Variants in SLC7A9 observed in about 807,000 individuals in gnomAD.
SLC7A9 encodes the protein B(0,+)-type amino acid transporter 1.
SLC7A9 carries 38 observed loss-of-function variants against 54.1 expected under a neutral mutation model. That is an observed-to-expected ratio of 0.70 (90% CI 0.54 to 0.92). SLC7A9 has a LOEUF of 0.92. Ranked by LOEUF, SLC7A9 falls within the 40% of genes least tolerant of loss-of-function variation. SLC7A9 has a pLI of 0.00. For missense variants in SLC7A9, 537 were observed against 636.1 expected, an observed-to-expected ratio of 0.84 and a Z score of 1.68; for synonymous variants, 264 against 258.9, an observed-to-expected ratio of 1.02 and a Z score of -0.19.
intron 9 of SLC7A9, among the ~76,000 whole-genome samples, chr19:32,854,652 G>A (rs186853166): frequency 5.3e-5 from 8 of 152,184 alleles, no homozygotes; most frequent in African/African-American, 1.9e-4. Context: ...GCACTGGTGC[G>A]ATCTCGGCTC....
Position 32,864,857 on chromosome 19 carries a change from C to T in SLC7A9, c.88-81G>A, listed in dbSNP as rs979093819. Reference sequence around the variant, plus strand: ...GGCCAGGTGCCACCCTCCCTCGGTACGGCCAGGGCGGCCCCAGCCAAAGCC... The same window carrying T: ...GGCCAGGTGCCACCCTCCCTCGGTATGGCCAGGGCGGCCCCAGCCAAAGCC... On this transcript the variant is annotated intron_variant, in intron 2 of 12. Coordinates refer to ENST00000023064, the MANE Select transcript of SLC7A9 (RefSeq NM_014270.5). 2.2e-5 allele frequency: 35 copies of T among 1,577,522 alleles called. No individual in the cohort carries two copies. The African/African-American group carries it at 2.4e-4, about 11-fold the overall frequency.
chr19:32,865,375 C>T (rs923356380), intron 2 of SLC7A9, among the ~76,000 whole-genome samples: 1 of 152,232 alleles, frequency 6.6e-6, no homozygotes, highest in East Asian at 1.9e-4. Flanking sequence ...GAGATCATGG[C>T]TCACTGCAGC....
intron 2 of SLC7A9, among the ~76,000 whole-genome samples, chr19:32,864,987 C>T (rs578203421): frequency 4.6e-4 from 70 of 152,330 alleles, no homozygotes; most frequent in African/African-American, 1.5e-3. Context: ...GACAGCCCCG[C>T]GAGCTGGCCA....
At chr19:32,851,634 C>G (rs1968469249) in intron 9 of SLC7A9, among the ~76,000 whole-genome samples, 1 of 151,998 alleles carries the variant, frequency 6.6e-6, no homozygotes, top group Non-Finnish European at 1.5e-5. Context: ...GAATCTAGAA[C>G]TAGAAATACC....
At chr19:32,854,951 G>C (rs1968575144) in intron 9 of SLC7A9, among the ~76,000 whole-genome samples, 1 of 151,742 alleles carries the variant, frequency 6.6e-6, no homozygotes, top group Non-Finnish European at 1.5e-5. Flanking sequence ...TGTACCTCTG[G>C]GTATATATTT....
intron 11 of SLC7A9, among the ~76,000 whole-genome samples, chr19:32,841,625 G>A (rs1286849441): frequency 1.3e-5 from 2 of 152,064 alleles, no homozygotes; most frequent in African/African-American, 2.4e-5. Context: ...ATCAGAACTG[G>A]GCTGGGTGCA....
In SLC7A9 at chr19:32,859,889, G is replaced by A; in HGVS notation, c.825C>T (p.Phe275=). The part of the protein sequence containing the change: ...ACYILMNVSY[F]TVMTATELLQ... ...GGAGTTCGGTGGCAGTCATCACGGT[G>A]AAGTAGGACACGTTCATGAGGATGT... The change falls in exon 8 of 13, where the codon TTC becomes TTT. Residue 275 remains phenylalanine (F), a synonymous_variant. Coordinates refer to ENST00000023064, the MANE Select transcript of SLC7A9 (RefSeq NM_014270.5). The A allele has an allele frequency of 6.2e-7, 1 of 1,614,178 alleles. No homozygotes were observed. The highest frequency in any genetic ancestry group is 1.1e-5 in the South Asian group (1 of 91,084).
At chr19:32,859,472 G>T (rs1428588702) in intron 8 of SLC7A9, among the ~76,000 whole-genome samples, 2 of 151,950 alleles carry the variant, frequency 1.3e-5, no homozygotes. Flanking sequence ...GAGGCCCCCA[G>T]CCACCTCTTC....
intron 10 of SLC7A9, among the ~76,000 whole-genome samples, chr19:32,842,940 A>C (rs1030028080): frequency 1.3e-5 from 2 of 152,158 alleles, no homozygotes; most frequent in African/African-American, 2.4e-5. Context: ...GGGGCCCTGG[A>C]TTAGAAGCTC....
intron 2 of SLC7A9, 148 bp from the exon 3 acceptor site, chr19:32,864,924 C>T: frequency 1.1e-6 from 1 of 931,566 alleles, no homozygotes; most frequent in Non-Finnish European, 1.7e-6. Flanking sequence ...GCCCTGGCAA[C>T]ACCGGGGCAC....
intron 12 of SLC7A9, among the ~76,000 whole-genome samples, chr19:32,832,312 C>T (rs1033961717): frequency 3.3e-5 from 5 of 151,690 alleles, no homozygotes; most frequent in Admixed American, 1.3e-4. Context: ...ATGGGCCGGG[C>T]GCAGTGGCTG....
intron 2 of SLC7A9, 118 bp from the exon 3 acceptor site, chr19:32,864,894 C>T (rs1049110879): frequency 1.7e-5 from 23 of 1,345,572 alleles, no homozygotes; most frequent in African/African-American, 7.2e-5. Context: ...ATGTCCCAGG[C>T]GCTTCCACCC....
chr19:32,848,856 A>C (rs893826249), intron 9 of SLC7A9, among the ~76,000 whole-genome samples: 1 of 152,236 alleles, frequency 6.6e-6, no homozygotes, highest in African/African-American at 2.4e-5. Context: ...AGTGCAATCA[A>C]ACTAGAACTC....
Position 32,843,954 on chromosome 19 carries a change from G to A in SLC7A9, c.978-3C>T, listed in dbSNP as rs1292952570. The A allele has an allele frequency of 2.5e-6, 4 of 1,609,152 alleles. No homozygotes were observed. In the Admixed American group the frequency reaches 6.7e-5, roughly 27 times the overall value. On this transcript the variant is annotated splice_region_variant and splice_polypyrimidine_tract_variant and intron_variant, in intron 9 of 12. Coordinates refer to ENST00000023064, the MANE Select transcript of SLC7A9 (RefSeq NM_014270.5). ...CCCGGCCCGCCACGTAAATGAGTCT[G>A]GAAAATAACGACACGGGAGTCCGCT...
In SLC7A9 at chr19:32,862,669, T is replaced by TTG. The variant is rs113741559; in HGVS notation, c.479-84_479-83insCA. ...TCTCCTTTCTTTTATATATTTTTTA[T>TTG]TTTTTTTTTTTTTTGAGATGGAGTC... is the stretch of plus-strand genomic sequence containing the variant. On this transcript the variant is annotated intron_variant, in intron 4 of 12. Transcript: ENST00000023064. The TTG allele has an allele frequency of 5.8e-5, 22 of 376,174 alleles. No homozygotes were observed. The African/African-American group carries it at 6.9e-4, about 12-fold the overall frequency. The allele number at this position is 376,174 out of a possible 1,614,324, so 23.3% of individuals were successfully genotyped here.
intron 3 of SLC7A9, 68 bp from the exon 4 acceptor site, chr19:32,864,406 C>T: frequency 1.2e-6 from 2 of 1,604,584 alleles, no homozygotes; most frequent in Admixed American, 3.3e-5. Flanking sequence ...GGGAGCCTTC[C>T]TCCCACCGGA....
chr19:32,842,447 C>T (rs1968154857), intron 10 of SLC7A9, 130 bp from the exon 11 acceptor site: 1 of 868,674 alleles, frequency 1.2e-6, no homozygotes, highest in African/African-American at 1.7e-5. Flanking sequence ...GGCATTCCTT[C>T]ATAGTTGGGG....
chr19:32,866,217 C>T (rs981982195), intron 2 of SLC7A9, among the ~76,000 whole-genome samples: 2 of 152,138 alleles, frequency 1.3e-5, no homozygotes, highest in Admixed American at 6.6e-5. Flanking sequence ...CCAGTGGGAT[C>T]CCTGGGGAGC....
intron 9 of SLC7A9, among the ~76,000 whole-genome samples, chr19:32,854,576 G>A (rs1968563324): frequency 6.6e-6 from 1 of 152,014 alleles, no homozygotes; most frequent in Non-Finnish European, 1.5e-5. Context: ...CATTGGTCTG[G>A]GCAATGATTT....
Sources: gnomAD v4.1 joint callset for allele counts (sites outside exome capture counted in the v4.1 genomes callset) on GRCh38, gnomAD v4.1.1 for gene constraint, MANE v1.5 for transcripts, NCBI Gene and HGNC (gene_info 2026-07-23, HGNC 2026-07-21) for gene names.